ALPK3: variants seen among roughly 807,000 people sequenced by gnomAD.
ALPK3 encodes alpha-protein kinase 3.
In ALPK3, 102 loss-of-function variants were observed where a neutral mutation model predicts 140.0. The ratio of observed to expected loss-of-function variants is 0.73; its 90% CI spans 0.62 to 0.86. ALPK3 has a LOEUF of 0.86. Among genes scored for constraint, ALPK3 ranks in the 40% least tolerant of loss-of-function variants. The pLI is 0.00. For missense variants in ALPK3, 2,254 were observed against 2,208.2 expected, an observed-to-expected ratio of 1.02 and a Z score of -0.42; for synonymous variants, 938 against 898.5, an observed-to-expected ratio of 1.04 and a Z score of -0.79.
At chr15:84,835,405 C>G (rs529794477) in intron 3 of ALPK3, among the ~76,000 whole-genome samples, 1 of 152,312 alleles carries the variant, frequency 6.6e-6, no homozygotes, top group South Asian at 2.1e-4. Context: ...CACCCTCCCC[C>G]TCTCATGTTG....
chr15:84,865,067 G>C (rs1296224939), intron 12 of ALPK3, among the ~76,000 whole-genome samples: 1 of 152,004 alleles, frequency 6.6e-6, no homozygotes, highest in Non-Finnish European at 1.5e-5. Context: ...TTCCATTTTA[G>C]CCCAGTAGCT....
intron 12 of ALPK3, among the ~76,000 whole-genome samples, chr15:84,865,653 G>T (rs1382805210): frequency 1.3e-5 from 2 of 152,222 alleles, no homozygotes; most frequent in Non-Finnish European, 2.9e-5. Flanking sequence ...CGATAACGTG[G>T]CATAGTAGAA....
In ALPK3 at chr15:84,840,605, TGG is replaced by T; in HGVS notation, c.1329_1330del (p.Pro446GlnfsTer9). ...GPQTLSVRAP[G>X]ESPKGKAPLR... ...CCCAGACCCTGAGTGTCCGGGCGCCTGGGGAGAGTCCCAAGGGGAAGGCACCC... is the reference window on the plus strand; with the variant it reads ...CCCAGACCCTGAGTGTCCGGGCGCCTGGAGAGTCCCAAGGGGAAGGCACCC... On this transcript the variant is annotated frameshift_variant, in exon 5 of 14. Coordinates refer to ENST00000258888, the MANE Select transcript of ALPK3 (RefSeq NM_020778.5). LOFTEE classifies it high-confidence loss of function. The T allele has an allele frequency of 1.3e-6, 2 of 1,561,730 alleles. No homozygotes were observed. Among genetic ancestry groups the T allele is most frequent in the Non-Finnish European group, 1.7e-6 (2 of 1,157,008 alleles).
At chr15:84,846,164 G>A (rs1963728885) in intron 5 of ALPK3, among the ~76,000 whole-genome samples, 1 of 152,194 alleles carries the variant, frequency 6.6e-6, no homozygotes, top group African/African-American at 2.4e-5. Flanking sequence ...AGGCCTGAAT[G>A]GAATTTGTAG....
At chr15:84,837,840 C>T (rs1193031734) in intron 3 of ALPK3, among the ~76,000 whole-genome samples, 2 of 152,234 alleles carry the variant, frequency 1.3e-5, no homozygotes, top group Non-Finnish European at 2.9e-5. Flanking sequence ...GTTTGCTTCT[C>T]AGTCCATGTG....
At chr15:84,839,249 G>A in intron 4 of ALPK3, 152 bp downstream of exon 4, 1 of 682,732 alleles carries the variant, frequency 1.5e-6, no homozygotes, top group Non-Finnish European at 2.5e-6. Context: ...GAACCACCTG[G>A]TGAACCACAT....
rs1963875061 is a variant in ALPK3 at position 84,857,216 on chromosome 15, A to C, written c.2478A>C (p.Pro826=). ...GCCGAGGGCCACAGTCATCAGGCCC[A>C]GTCGAGGCCAAGCAGGAGGACAGCC... ...ERCRGPQSSG[P]VEAKQEDSPF... is the part of the protein sequence containing the mutation. Residue 826 remains proline, a synonymous_variant, in exon 6 of 14, where the codon CCA becomes CCC. Transcript: ENST00000258888. 1 of 1,614,034 alleles carries C rather than the reference A, an allele frequency of 6.2e-7. No homozygotes were observed. Among genetic ancestry groups the C allele is most frequent in the East Asian group, 2.2e-5 (1 of 44,854 alleles).
intron 1 of ALPK3, among the ~76,000 whole-genome samples, chr15:84,818,854 C>G (rs1310865336): frequency 6.6e-6 from 1 of 152,192 alleles, no homozygotes; most frequent in Non-Finnish European, 1.5e-5. Context: ...ACTCCTGGCT[C>G]TACAGATAAA....
At chr15:84,829,248 G>C (rs1208607211) in intron 3 of ALPK3, among the ~76,000 whole-genome samples, 2 of 152,146 alleles carry the variant, frequency 1.3e-5, no homozygotes, top group East Asian at 3.9e-4. Context: ...TGGTAGATAA[G>C]GAATTAGCTC....
chr15:84,864,965 C>T (rs552595860), intron 12 of ALPK3, among the ~76,000 whole-genome samples: 74 of 152,246 alleles, frequency 4.9e-4, no homozygotes, highest in Admixed American at 2.2e-3. Context: ...TAATTCAAAA[C>T]CCACAACCAC....
intron 10 of ALPK3, 74 bp from the exon 11 acceptor site, chr15:84,863,478 A>G: frequency 1.5e-6 from 2 of 1,344,440 alleles, no homozygotes; most frequent in Non-Finnish European, 1.0e-6. Context: ...TAGGTAGCCC[A>G]CTCACTTAGG....
intron 5 of ALPK3, among the ~76,000 whole-genome samples, chr15:84,855,337 T>G (rs1327609562): frequency 6.6e-6 from 1 of 152,210 alleles, no homozygotes; most frequent in East Asian, 1.9e-4. Context: ...TTTCCCCATA[T>G]CACTTTGCTC....
chr15:84,832,505 C>T (rs141647312), intron 3 of ALPK3, among the ~76,000 whole-genome samples: 21 of 152,308 alleles, frequency 1.4e-4, no homozygotes, highest in African/African-American at 5.1e-4. Flanking sequence ...TTCTGCCTGG[C>T]AAATTCCTTC....
At chr15:84,855,934 G>A (rs1458557244) in intron 5 of ALPK3, among the ~76,000 whole-genome samples, 2 of 152,148 alleles carry the variant, frequency 1.3e-5, no homozygotes, top group African/African-American at 4.8e-5. Flanking sequence ...TGTCACTGAG[G>A]CCATTATTGG....
rs529908734 is a variant in ALPK3 at position 84,862,459 on chromosome 15, C to T, written c.4130-176C>T. On this transcript the variant is annotated intron_variant, in intron 9 of 13. Coordinates refer to ENST00000258888, the MANE Select transcript of ALPK3 (RefSeq NM_020778.5). Reference sequence around the variant, plus strand: ...GGTTGAATCAAATAGAGTTTCTGCCCCAAGGAGCTCATAGTCTGGTGGGGA... The same window carrying T: ...GGTTGAATCAAATAGAGTTTCTGCCTCAAGGAGCTCATAGTCTGGTGGGGA... Among the ~76,000 whole-genome samples, 13 of 152,082 alleles carry T rather than the reference C, an allele frequency of 8.5e-5. No individual in the cohort carries two copies. The South Asian group carries it at 2.7e-3, about 32-fold the overall frequency.
At chr15:84,862,392 G>T (rs1427600807) in intron 9 of ALPK3, among the ~76,000 whole-genome samples, 1 of 151,988 alleles carries the variant, frequency 6.6e-6, no homozygotes, top group Non-Finnish European at 1.5e-5. Context: ...GGAAGGCAGG[G>T]GTTATGTGAT....
rs1396283466 is a variant in ALPK3 at position 84,870,295 on chromosome 15, C to T, written c.*1839C>T. The T allele has an allele frequency of 6.6e-6, 1 of 152,384 alleles. No individual in the cohort carries two copies. Among genetic ancestry groups the T allele is most frequent in the East Asian group, 1.9e-4 (1 of 5,202 alleles). The allele number at this position is 152,384 out of a possible 1,614,324, so 9.4% of individuals were successfully genotyped here. ...CTTCTGCCCCAGTGTGTCCCCACCTCTCCCAGCCTGTATACCCAGATTACT... is the reference window on the plus strand; with the variant it reads ...CTTCTGCCCCAGTGTGTCCCCACCTTTCCCAGCCTGTATACCCAGATTACT... On this transcript the variant is annotated 3_prime_UTR_variant, in exon 14 of 14. Coordinates refer to ENST00000258888, the MANE Select transcript of ALPK3 (RefSeq NM_020778.5).
At position 84,839,783 on chromosome 15, in the gene ALPK3, G is replaced by A; in HGVS notation, c.504G>A (p.Glu168=). 2 of 1,614,190 alleles carry A rather than the reference G, an allele frequency of 1.2e-6. No individual in the cohort carries two copies. Among genetic ancestry groups the A allele is most frequent in the Non-Finnish European group, 1.7e-6 (2 of 1,180,038 alleles). Reference sequence around the variant, plus strand: ...TTGTGTCCTGCTCAGGGGTCCTGGAGGTGGGCACCATGACTGAGTACAAGA... The same window carrying A: ...TTGTGTCCTGCTCAGGGGTCCTGGAAGTGGGCACCATGACTGAGTACAAGA... ...KGIVSCSGVL[E]VGTMTEYKIH... The change falls in exon 5 of 14, where the codon GAG becomes GAA. Residue 168 remains glutamate, a synonymous_variant. Coordinates refer to ENST00000258888, the MANE Select transcript of ALPK3 (RefSeq NM_020778.5).
intron 1 of ALPK3, 125 bp downstream of exon 1, chr15:84,817,720 G>A: frequency 8.1e-7 from 1 of 1,227,292 alleles, no homozygotes; most frequent in Non-Finnish European, 1.1e-6. Context: ...TCAGCCCCAA[G>A]GCCCAGGGCC....
Sources: allele counts gnomAD v4.1 joint callset (sites outside exome capture counted in the v4.1 genomes callset), GRCh38; gene constraint gnomAD v4.1.1; transcripts MANE v1.5; gene names NCBI Gene and HGNC (gene_info 2026-07-23, HGNC 2026-07-21).